The following SMUG1 variants were observed in gnomAD, a reference collection of about 807,000 sequenced individuals.
SMUG1 encodes the protein single-strand-selective monofunctional uracil-DNA glycosylase 1, also known as single-strand selective monofunctional uracil DNA glycosylase.
Under a neutral mutation model 23.9 loss-of-function variants are expected in SMUG1, and 13 were observed. That is an observed-to-expected ratio of 0.54 (90% CI 0.35 to 0.86). SMUG1 has a LOEUF of 0.86. SMUG1 is among the 40% of genes least tolerant of loss of function. The probability of loss-of-function intolerance (pLI) is 0.01; values close to 1 mark genes in which losing one functional copy is unlikely to be tolerated. For missense variants in SMUG1, 313 were observed against 339.5 expected, an observed-to-expected ratio of 0.92 and a Z score of 0.61; for synonymous variants, 133 against 139.8, an observed-to-expected ratio of 0.95 and a Z score of 0.34.
At chr12:54,177,658 A>G (rs893890951), downstream of SMUG1, among the ~76,000 whole-genome samples, 7 of 150,040 alleles carry the variant, frequency 4.7e-5, no homozygotes, top group East Asian at 3.9e-4. Context: ...CACTCAGAGA[A>G]AAAAAAAAAA....
chr12:54,181,645 TC>T lies in SMUG1; in HGVS notation c.*450del, dbSNP rs1307238170. ...TTTCATGTCCCATGCTTTGTCTTGG[TC>T]CCTGTGAGGAAAGGGGTCAGCTAAA... On this transcript the variant is annotated 3_prime_UTR_variant, in exon 4 of 4. Coordinates refer to ENST00000682136, the MANE Select transcript of SMUG1 (RefSeq NM_001243787.2). The T allele has an allele frequency of 1.3e-6, 2 of 1,589,444 alleles. No individual in the cohort carries two copies. The highest frequency in any genetic ancestry group is 4.5e-5 in the East Asian group (2 of 44,798).
intron 3 of SMUG1, among the ~76,000 whole-genome samples, chr12:54,170,085 C>T (rs1940577175): frequency 6.6e-6 from 1 of 152,000 alleles, no homozygotes; most frequent in Non-Finnish European, 1.5e-5. Flanking sequence ...GTAATCCCAG[C>T]TACTCGGGAG....
chr12:54,171,957 CA>C, intron 3 of SMUG1: 1 of 402,712 alleles, frequency 2.5e-6, no homozygotes, highest in Non-Finnish European at 5.3e-6. Context: ...CAAAATGTAT[CA>C]AAAATTTGAC....
At chr12:54,170,375 G>A (rs1202665742) in intron 3 of SMUG1, among the ~76,000 whole-genome samples, 3 of 152,116 alleles carry the variant, frequency 2.0e-5, no homozygotes, top group South Asian at 2.1e-4. Context: ...AGCAAGCATG[G>A]CATGAAGTGG....
At position 54,181,008 on chromosome 12, in the gene SMUG1, G is replaced by C. The variant is rs1940983528; in HGVS notation, c.*1088C>G. The stretch of plus-strand genomic sequence containing the variant: ...ATCTCAAAAAAAAAAAAAAAAGAGA[G>C]ATCTACTACATCCTTCCCCCAGCTG... On this transcript the variant is annotated 3_prime_UTR_variant, in exon 4 of 4. Transcript: ENST00000682136. The C allele has an allele frequency of 6.7e-6, 1 of 150,094 alleles. No individual in the cohort carries two copies. The highest frequency in any genetic ancestry group is 2.5e-5 in the African/African-American group (1 of 40,438). The allele number at this position is 150,094 out of a possible 1,614,324, so 9.3% of individuals were successfully genotyped here. A position where few individuals can be genotyped will look rare whatever the true frequency, so the allele number is the denominator to read the frequency against.
chr12:54,166,287 G>A (rs1249908835), intron 3 of SMUG1, among the ~76,000 whole-genome samples: 2 of 152,134 alleles, frequency 1.3e-5, no homozygotes, highest in African/African-American at 4.8e-5. Context: ...CTTGAACCTG[G>A]GAGGCAGAGG....
downstream of SMUG1, chr12:54,180,230 C>T (rs1940875569): frequency 6.6e-6 from 1 of 152,122 alleles, no homozygotes; most frequent in Non-Finnish European, 1.5e-5. Context: ...AGATCAAATT[C>T]AATATAAAAT....
At chr12:54,183,395 G>A (rs917830918) in intron 3 of SMUG1, 35 of 567,774 alleles carry the variant, frequency 6.2e-5, no homozygotes, top group African/African-American at 4.1e-4. Flanking sequence ...TGGGGCTGGC[G>A]GAAGGAAGGG....
chr12:54,172,047 A>C (rs1308996740), exon 3 of SMUG1: 1 of 455,324 alleles, frequency 2.2e-6, no homozygotes. Context: ...TCAGCTCCTG[A>C]CTGGTCTCCC....
intron 4 of SMUG1, chr12:54,164,965 T>G (rs2136531791): frequency 6.6e-6 from 1 of 152,258 alleles, no homozygotes; most frequent in Non-Finnish European, 1.5e-5. Context: ...ACTGTCTTGC[T>G]CCTGACAACA....
chr12:54,160,793 G>T (rs531113709), downstream of SMUG1, among the ~76,000 whole-genome samples: 1 of 152,264 alleles, frequency 6.6e-6, no homozygotes, highest in East Asian at 1.9e-4. Flanking sequence ...AAAGAATCCC[G>T]ACTCTAGTCA....
At position 54,180,885 on chromosome 12, in the gene SMUG1, G is replaced by A. The variant is rs1290939854; in HGVS notation, c.*1211C>T. On this transcript the variant is annotated 3_prime_UTR_variant, in exon 4 of 4. Coordinates refer to ENST00000682136, the MANE Select transcript of SMUG1 (RefSeq NM_001243787.2). ...TGCCTGTAATTCCAGCTATACAGGA[G>A]GCTGAGGCAGGAGAATCACTTGAAC... is the stretch of plus-strand genomic sequence containing the variant. The A allele has an allele frequency of 1.3e-5, 2 of 152,084 alleles. No homozygotes were observed. The highest frequency in any genetic ancestry group is 6.6e-5 in the Admixed American group (1 of 15,254). The allele number at this position is 152,084 out of a possible 1,614,324, so 9.4% of individuals were successfully genotyped here.
At chr12:54,188,297 AT>A (rs1942992236) in intron 1 of SMUG1, among the ~76,000 whole-genome samples, 9 of 58,082 alleles carry the variant, frequency 1.5e-4, no homozygotes, top group Admixed American at 8.5e-4. Flanking sequence ...ATAATAATAA[AT>A]AATAATAATA....
intron 3 of SMUG1, among the ~76,000 whole-genome samples, chr12:54,169,465 T>G (rs1333838233): frequency 1.3e-5 from 2 of 149,056 alleles, no homozygotes; most frequent in African/African-American, 2.5e-5. Context: ...ACTAGGTAGG[T>G]TAGGGCAATA....
chr12:54,179,716 A>G (rs1940843154), downstream of SMUG1, among the ~76,000 whole-genome samples: 1 of 151,994 alleles, frequency 6.6e-6, no homozygotes, highest in East Asian at 1.9e-4. Flanking sequence ...TGCACTTCTG[A>G]CCAACTGGCT....
chr12:54,185,371 G>A (rs1022627014), intron 2 of SMUG1, among the ~76,000 whole-genome samples: 1 of 151,468 alleles, frequency 6.6e-6, no homozygotes, highest in Non-Finnish European at 1.5e-5. Flanking sequence ...GGAGGCTGAG[G>A]CAGGGAGAAC....
intron 2 of SMUG1, among the ~76,000 whole-genome samples, chr12:54,174,151 C>T (rs988993478): frequency 2.0e-5 from 3 of 152,172 alleles, no homozygotes; most frequent in South Asian, 2.1e-4. Flanking sequence ...AGGGGACACA[C>T]AGACCTTCCA....
downstream of SMUG1, among the ~76,000 whole-genome samples, chr12:54,160,456 G>A (rs1012635382): frequency 2.0e-5 from 3 of 152,316 alleles, no homozygotes; most frequent in Middle Eastern, 3.4e-3. Context: ...CTATAGGCAG[G>A]CATGGTGCAA....
chr12:54,181,843 C>T lies in SMUG1; in HGVS notation c.*253G>A. 7.0e-7 allele frequency: 1 copy of T among 1,420,468 alleles called. No individual in the cohort carries two copies. 88.0% of individuals were successfully genotyped at this position (1,420,468 alleles called of 1,614,324 possible). On this transcript the variant is annotated 3_prime_UTR_variant, in exon 4 of 4. Coordinates refer to ENST00000682136, the MANE Select transcript of SMUG1 (RefSeq NM_001243787.2). ...CAAAAGCACACCTTCTGCAGATTCC[C>T]TACAAAGTGGGGTCCCCTGAAAGGG...
Sources: gnomAD v4.1 joint callset for allele counts (sites outside exome capture counted in the v4.1 genomes callset) on GRCh38, gnomAD v4.1.1 for gene constraint, MANE v1.5 for transcripts, NCBI Gene and HGNC (gene_info 2026-07-23, HGNC 2026-07-21) for gene names.